Variants in ADGRL2 observed in about 807,000 individuals in gnomAD.
ADGRL2 encodes adhesion G protein-coupled receptor L2, also known as calcium-independent alpha-latrotoxin receptor 2.
In ADGRL2, 44 loss-of-function variants were observed where a neutral mutation model predicts 157.4. That is an observed-to-expected ratio of 0.28 (90% CI 0.22 to 0.36). The LOEUF (loss-of-function observed/expected upper bound fraction) is 0.36. ADGRL2 is among the 10% of genes least tolerant of loss of function. ADGRL2 has a pLI of 1.00. For synonymous variants in ADGRL2, 585 were observed against 624.7 expected (o/e 0.94, Z 0.95); for missense variants, 1,510 against 1,768.9 (o/e 0.85, Z 2.63).
intron 1 of ADGRL2, among the ~76,000 whole-genome samples, chr1:81,740,823 T>C (rs1290130447): frequency 1.3e-5 from 2 of 152,148 alleles, no homozygotes; most frequent in East Asian, 3.9e-4. Context: ...ATTTATGCAA[T>C]ATAGCAAAAG....
At chr1:81,313,720 A>C (rs146230845) in intron 1 of ADGRL2, among the ~76,000 whole-genome samples, 2,105 of 152,340 alleles carry the variant, frequency 0.014, 56 homozygotes, top group African/African-American at 0.048. Context: ...AGCACATGTC[A>C]GAAGAAAAGA....
At position 81,515,085 on chromosome 1, in the gene ADGRL2, G is replaced by A. The variant is rs542235339; in HGVS notation, c.-247-65791G>A. The A allele has an allele frequency of 1.6e-4, 24 of 152,204 alleles. No individual in the cohort carries two copies. In the South Asian group the frequency reaches 3.7e-3, roughly 24 times the overall value. The allele number at this position is 152,204 out of a possible 1,614,324, so 9.4% of individuals were successfully genotyped here. A position where few individuals can be genotyped will look rare whatever the true frequency, so the allele number is the denominator to read the frequency against. On this transcript the variant is annotated intron_variant, in intron 2 of 24. Transcript: ENST00000370721. ...CTTCTTCCATCCTTCAACAATCTCC[G>A]TTTAGATTCTGGTTGGTACTTGGCA...
At chr1:81,405,392 G>A (rs12086154) in intron 1 of ADGRL2, among the ~76,000 whole-genome samples, 73,649 of 151,998 alleles carry the variant, frequency 0.48, 18,578 homozygotes, top group Non-Finnish European at 0.54. Flanking sequence ...TTCAGGCCAG[G>A]TGTGGTGGCT....
At chr1:81,355,448 T>C (rs1663212296) in intron 1 of ADGRL2, among the ~76,000 whole-genome samples, 1 of 152,182 alleles carries the variant, frequency 6.6e-6, no homozygotes, top group Admixed American at 6.6e-5. Flanking sequence ...TACAGATATA[T>C]ATGTGTACAT....
At chr1:81,981,167 G>T in intron 18 of ADGRL2, 1 of 394,920 alleles carries the variant, frequency 2.5e-6, no homozygotes, top group Non-Finnish European at 5.2e-6. Flanking sequence ...TCATTAGTTA[G>T]ACATGGAATG....
intron 17 of ADGRL2, among the ~76,000 whole-genome samples, chr1:81,977,057 G>A (rs150231023): frequency 2.0e-5 from 3 of 151,694 alleles, no homozygotes; most frequent in African/African-American, 4.8e-5. Flanking sequence ...ATTTTATATG[G>A]GAAGTCTGTG....
intron 3 of ADGRL2, among the ~76,000 whole-genome samples, chr1:81,623,635 C>CTTTTT (rs752595573): frequency 1.7e-5 from 2 of 118,964 alleles, no homozygotes; most frequent in Non-Finnish European, 3.4e-5. Context: ...TGATATCTTC[C>CTTTTT]TTTTTTTTTT....
chr1:81,985,306 ATCT>A lies in ADGRL2; in HGVS notation c.3464_3466del (p.Ser1155del). Reference sequence around the variant, plus strand: ...ATGATACTGTGAGAAAACAATCAGAATCTTCTTTTATCTCAGGTGACATCAATA... The same window carrying A: ...ATGATACTGTGAGAAAACAATCAGAATCTTTTATCTCAGGTGACATCAATA... On this transcript the variant is annotated inframe_deletion, in exon 21 of 24. Coordinates refer to ENST00000686636, the MANE Select transcript of ADGRL2 (RefSeq NM_001366006.2). 1 of 1,607,618 alleles carries A rather than the reference ATCT, an allele frequency of 6.2e-7. No individual in the cohort carries two copies.
intron 1 of ADGRL2, among the ~76,000 whole-genome samples, chr1:81,731,147 T>A (rs1051535397): frequency 6.6e-6 from 1 of 152,220 alleles, no homozygotes; most frequent in African/African-American, 2.4e-5. Flanking sequence ...GCCTCCCTCC[T>A]GCTAGGGTCT....
chr1:81,693,124 A>T (rs1010505173), intron 3 of ADGRL2, among the ~76,000 whole-genome samples: 2 of 151,722 alleles, frequency 1.3e-5, no homozygotes, highest in Non-Finnish European at 2.9e-5. Context: ...TGGCTAACAC[A>T]TCCTTCTTTC....
chr1:81,697,147 A>G (rs1341719768), upstream of ADGRL2, among the ~76,000 whole-genome samples: 1 of 152,186 alleles, frequency 6.6e-6, no homozygotes, highest in African/African-American at 2.4e-5. Context: ...ATTAAGAATG[A>G]ACTTTGGAGT....
chr1:81,883,904 G>A (rs1031247381), intron 2 of ADGRL2, among the ~76,000 whole-genome samples: 2 of 152,028 alleles, frequency 1.3e-5, no homozygotes, highest in Admixed American at 6.6e-5. Flanking sequence ...CAGATATTAA[G>A]AGAAAAAGTC....
intron 3 of ADGRL2, among the ~76,000 whole-genome samples, chr1:81,927,343 G>A (rs2095130622): frequency 1.3e-5 from 2 of 151,864 alleles, no homozygotes; most frequent in South Asian, 4.2e-4. Flanking sequence ...AAAACATTTT[G>A]CATTTTTGCT....
At chr1:81,484,223 T>G (rs960633651) in intron 2 of ADGRL2, among the ~76,000 whole-genome samples, 4 of 152,208 alleles carry the variant, frequency 2.6e-5, no homozygotes, top group Admixed American at 2.6e-4. Context: ...TATGTCTCTA[T>G]TTCCTTATTA....
At chr1:81,349,669 C>T (rs1662739977) in intron 1 of ADGRL2, among the ~76,000 whole-genome samples, 1 of 146,408 alleles carries the variant, frequency 6.8e-6, no homozygotes, top group Non-Finnish European at 1.5e-5. Context: ...CACACATCAG[C>T]ATTCATTCTT....
At chr1:81,606,015 T>A (rs1396382761) in intron 3 of ADGRL2, among the ~76,000 whole-genome samples, 1 of 152,164 alleles carries the variant, frequency 6.6e-6, no homozygotes, top group Non-Finnish European at 1.5e-5. Flanking sequence ...AAACACCATT[T>A]GTCACTTTTT....
At chr1:81,419,818 T>C (rs1290222736) in intron 1 of ADGRL2, among the ~76,000 whole-genome samples, 2 of 152,178 alleles carry the variant, frequency 1.3e-5, no homozygotes, top group Non-Finnish European at 2.9e-5. Flanking sequence ...GTCCATCTAA[T>C]CCCATCAGAC....
chr1:81,549,689 A>C (rs1032844011), intron 2 of ADGRL2, among the ~76,000 whole-genome samples: 5 of 152,244 alleles, frequency 3.3e-5, no homozygotes, highest in African/African-American at 1.2e-4. Flanking sequence ...CATAACATGT[A>C]AACAAGATCA....
At chr1:81,496,670 A>G (rs933589280) in intron 2 of ADGRL2, among the ~76,000 whole-genome samples, 9 of 59,532 alleles carry the variant, frequency 1.5e-4, no homozygotes, top group African/African-American at 1.2e-3. Context: ...GCTGTTGAGG[A>G]AAAAAAAAAA....
Sources: allele counts gnomAD v4.1 joint callset (sites outside exome capture counted in the v4.1 genomes callset), GRCh38; gene constraint gnomAD v4.1.1; transcripts MANE v1.5; gene names NCBI Gene and HGNC (gene_info 2026-07-23, HGNC 2026-07-21).